Variants in PCNX2 observed in about 807,000 individuals in gnomAD.
PCNX2 encodes pecanex 2, also known as pecanex-like protein 2.
Under a neutral mutation model 223.8 loss-of-function variants are expected in PCNX2, and 168 were observed. The ratio of observed to expected loss-of-function variants is 0.75; its 90% CI spans 0.66 to 0.85. The LOEUF is 0.85. Ranked by LOEUF, PCNX2 falls within the 40% of genes least tolerant of loss-of-function variation. The probability of loss-of-function intolerance (pLI) is 0.00; values close to 1 mark genes in which losing one functional copy is unlikely to be tolerated. For synonymous variants in PCNX2, 1,006 were observed against 1,052.6 expected, an observed-to-expected ratio of 0.96 and a Z score of 0.86; for missense variants, 2,507 against 2,675.5, an observed-to-expected ratio of 0.94 and a Z score of 1.39.
chr1:233,234,388 T>C (rs1269171970), intron 9 of PCNX2, among the ~76,000 whole-genome samples: 1 of 152,196 alleles, frequency 6.6e-6, no homozygotes, highest in Non-Finnish European at 1.5e-5. Flanking sequence ...TCCATACCCA[T>C]ATATATTAGA....
At position 233,001,368 on chromosome 1, in the gene PCNX2, A is replaced by G. The variant is rs895545836; in HGVS notation, c.5097+169T>C. 1.3e-5 allele frequency among the ~76,000 whole-genome samples: 2 copies of G among 152,118 alleles called. No individual in the cohort carries two copies. The highest frequency in any genetic ancestry group is 3.9e-4 in the East Asian group (2 of 5,188). ...GTGGCACATGCCTGTAATCCCAGCT[A>G]CTTGGGAGGCTGTGGCAGGAGAATC... is the stretch of plus-strand genomic sequence containing the variant. On this transcript the variant is annotated intron_variant, in intron 29 of 33. Transcript: ENST00000258229. This position sits in a 1 kb window ranked among gnomAD's most constrained non-coding sequence, Gnocchi z 4.2.
intron 24 of PCNX2, among the ~76,000 whole-genome samples, chr1:233,055,838 A>G (rs1381448197): frequency 6.6e-6 from 1 of 152,166 alleles, no homozygotes; most frequent in Non-Finnish European, 1.5e-5. Flanking sequence ...CCTGCTTTGT[A>G]TCCATGGGAA....
At chr1:233,201,923 C>T (rs1409813676) in intron 13 of PCNX2, 2 of 186,056 alleles carry the variant, frequency 1.1e-5, no homozygotes, top group Non-Finnish European at 2.3e-5. Flanking sequence ...CCTGGAGATG[C>T]TCTGGCTGTG....
chr1:233,263,982 A>G (rs1424418210), intron 1 of PCNX2, among the ~76,000 whole-genome samples: 1 of 152,174 alleles, frequency 6.6e-6, no homozygotes. Flanking sequence ...CTAGGGTTGT[A>G]TTGCACACAG....
intron 15 of PCNX2, among the ~76,000 whole-genome samples, chr1:233,198,452 T>C (rs1471818033): frequency 6.6e-6 from 1 of 152,230 alleles, no homozygotes; most frequent in Non-Finnish European, 1.5e-5. Context: ...CATCTTAGGC[T>C]TCCCTTGCTG....
rs778517946 is a variant in PCNX2 at position 232,984,424 on chromosome 1, A to G, written c.6294T>C (p.His2098=). The part of the protein sequence containing the change: ...PPDATEQGQL[H]DRCLAEAVAD... ...CCACAGCCTCAGCCAGACATCGGTC[A>G]TGAAGCTGCCCCTGCTCGGTGGCAT... Residue 2098 remains histidine (H), a synonymous_variant, in exon 34 of 34, where the codon CAT becomes CAC. Transcript: ENST00000258229. The G allele has an allele frequency of 5.1e-5, 83 of 1,613,648 alleles. No homozygotes were observed. Among genetic ancestry groups the G allele is most frequent in the Non-Finnish European group, 6.9e-5 (81 of 1,179,856 alleles).
intron 10 of PCNX2, 86 bp downstream of exon 10, chr1:233,227,140 C>T: frequency 1.4e-6 from 2 of 1,398,502 alleles, no homozygotes; most frequent in Non-Finnish European, 1.9e-6. Context: ...GTGCAAGTGA[C>T]AATGTTCTCT....
At chr1:233,312,824 C>T in the PCNX2 span, among the ~76,000 whole-genome samples, 1 of 151,726 alleles carries the variant, frequency 6.6e-6, no homozygotes, top group South Asian at 2.1e-4. Context: ...TTTGGATGTC[C>T]ATTAGTAAGA....
intron 17 of PCNX2, among the ~76,000 whole-genome samples, chr1:233,166,993 A>T (rs1421183730): frequency 3.3e-5 from 5 of 151,978 alleles, no homozygotes; most frequent in African/African-American, 1.2e-4. Flanking sequence ...AAAAAAAAAG[A>T]TACTAAAAAC....
At chr1:233,311,347 G>T in the PCNX2 span, among the ~76,000 whole-genome samples, 2 of 152,230 alleles carry the variant, frequency 1.3e-5, no homozygotes, top group Non-Finnish European at 2.9e-5. Flanking sequence ...CCCAAGTTAT[G>T]AGGTGATCAA....
rs909874567 is a variant in PCNX2 at position 233,236,863 on chromosome 1, G to C, written c.2340C>G (p.Thr780=). The change falls in exon 9 of 34, where the codon ACC becomes ACG. Residue 780 remains threonine (T), a synonymous_variant. Transcript: ENST00000258229. ...TACGTACCCGTGGGGTTTCCGACTG[G>C]GTCCTGCGAGCCACCATCAGTAACA... The part of the protein sequence containing the change: ...QQLLLMVARR[T]QSETPRHVSQ... 19 of 1,613,848 alleles carry C rather than the reference G, an allele frequency of 1.2e-5. No individual in the cohort carries two copies. The highest frequency in any genetic ancestry group is 5.0e-5 in the Admixed American group (3 of 60,024).
In PCNX2 at chr1:233,202,184, G is replaced by A. The variant is rs192471293; in HGVS notation, c.2864-1920C>T. On this transcript the variant is annotated intron_variant, in intron 13 of 33. Transcript: ENST00000258229. ...CTTCAGGAAAATGACACTTGAAATTGCTGAAATTATTTTGTCCTTTTTTTT... is the reference window on the plus strand; with the variant it reads ...CTTCAGGAAAATGACACTTGAAATTACTGAAATTATTTTGTCCTTTTTTTT... The A allele has an allele frequency of 2.6e-5, 12 of 464,768 alleles. No individual in the cohort carries two copies. The East Asian group carries it at 8.4e-4, about 33-fold the overall frequency. 28.8% of individuals were successfully genotyped at this position (464,768 alleles called of 1,614,324 possible). A position where few individuals can be genotyped will look rare whatever the true frequency, so the allele number is the denominator to read the frequency against.
chr1:233,198,968 G>T lies in PCNX2; in HGVS notation c.3037C>A (p.Leu1013Ile). Residue 1013 changes from leucine to isoleucine, a missense_variant, in exon 15 of 34, where the codon CTC becomes ATC. By Grantham distance (5) the Leu-to-Ile change is conservative. Around this residue, in one of 3 missense-constraint regions of PCNX2, gnomAD observed 1,372 missense variants for 1,509.4 expected, o/e 0.91. Transcript: ENST00000258229. ...VARSVLAAAL[L>I]HAVCFSAVKE... ...ACTGCACTGAAGCAGACTGCGTGGA[G>T]CAGGGCGGCAGCCAAGACGCTCCGG... is the stretch of plus-strand genomic sequence containing the variant. 6.2e-7 allele frequency: 1 copy of T among 1,606,062 alleles called. No individual in the cohort carries two copies.
intron 1 of PCNX2, among the ~76,000 whole-genome samples, chr1:233,292,186 C>T (rs1661804157): frequency 7.1e-6 from 1 of 140,290 alleles, no homozygotes; most frequent in Admixed American, 7.1e-5. Context: ...AATAGTGAAA[C>T]TTTCTTTCTT....
chr1:232,999,452 C>CT (rs61543110), intron 30 of PCNX2, 73 bp from the exon 31 acceptor site: 69,368 of 1,161,096 alleles, frequency 0.06, 11 homozygotes, highest in Non-Finnish European at 0.064. Flanking sequence ...TTTTCTTTTT[C>CT]TTTTTTTTTT....
chr1:233,241,622 C>T (rs1658771164), intron 8 of PCNX2, among the ~76,000 whole-genome samples: 1 of 152,158 alleles, frequency 6.6e-6, no homozygotes, highest in African/African-American at 2.4e-5. Context: ...CAAGAACCCA[C>T]ACAAGTTTTT....
At chr1:233,148,772 G>C (rs1312637364) in intron 19 of PCNX2, among the ~76,000 whole-genome samples, 1 of 152,112 alleles carries the variant, frequency 6.6e-6, no homozygotes, top group South Asian at 2.1e-4. Context: ...CTAATGACAC[G>C]CTTCAGTCTC....
At chr1:233,002,154 A>G (rs558872187) in intron 28 of PCNX2, among the ~76,000 whole-genome samples, 53 of 152,116 alleles carry the variant, frequency 3.5e-4, no homozygotes, top group Non-Finnish European at 4.7e-4. Flanking sequence ...CAACCACAAT[A>G]TGGAGAGAGG....
At chr1:233,188,897 T>C (rs1365077128) in intron 15 of PCNX2, among the ~76,000 whole-genome samples, 2 of 152,210 alleles carry the variant, frequency 1.3e-5, no homozygotes, top group Admixed American at 6.5e-5. Context: ...GCGAAATCCC[T>C]TCAAGTTTGC....
Sources: allele counts gnomAD v4.1 joint callset (sites outside exome capture counted in the v4.1 genomes callset), GRCh38; gene constraint gnomAD v4.1.1; regional missense constraint gnomAD v4.1.1; non-coding constraint Gnocchi (gnomAD v3.1); transcripts MANE v1.5; gene names NCBI Gene and HGNC (gene_info 2026-07-23, HGNC 2026-07-21).